The following TRAPPC6A variants were observed in gnomAD, a reference collection of about 807,000 sequenced individuals.
TRAPPC6A encodes the protein TRAPP complex subunit 6A.
In TRAPPC6A, 25 loss-of-function variants were observed where a neutral mutation model predicts 20.8. The ratio of observed to expected loss-of-function variants is 1.20; its 90% CI spans 0.88 to 1.68. The LOEUF (loss-of-function observed/expected upper bound fraction) is 1.68. TRAPPC6A is among the 40% of genes most tolerant of loss of function. TRAPPC6A has a pLI of 0.00. For missense variants in TRAPPC6A, 215 were observed against 211.6 expected, an observed-to-expected ratio of 1.02 and a Z score of -0.10; for synonymous variants, 96 against 93.3, an observed-to-expected ratio of 1.03 and a Z score of -0.16.
intron 1 of TRAPPC6A, among the ~76,000 whole-genome samples, chr19:45,168,414 C>T (rs1199968988): frequency 1.3e-5 from 2 of 152,212 alleles, no homozygotes; most frequent in Non-Finnish European, 2.9e-5. Context: ...GGGCCAAAAG[C>T]AGGAATGGAC....
At chr19:45,168,919 T>C (rs2122839225) in intron 1 of TRAPPC6A, among the ~76,000 whole-genome samples, 1 of 152,286 alleles carries the variant, frequency 6.6e-6, no homozygotes, top group East Asian at 1.9e-4. Context: ...AGGTCGCCCA[T>C]ATCTGAAGCC....
chr19:45,164,306 A>G, intron 3 of TRAPPC6A, 59 bp from the exon 4 acceptor site: 1 of 1,176,438 alleles, frequency 8.5e-7, no homozygotes, highest in Non-Finnish European at 1.2e-6. Flanking sequence ...AAGCGCAGGG[A>G]GGGTAAGCAG....
intron 1 of TRAPPC6A, among the ~76,000 whole-genome samples, chr19:45,170,691 G>C (rs1969250481): frequency 6.6e-6 from 1 of 152,242 alleles, no homozygotes; most frequent in East Asian, 1.9e-4. Context: ...TTCCCCACAT[G>C]TGCCATGGGG....
intron 1 of TRAPPC6A, among the ~76,000 whole-genome samples, chr19:45,167,811 C>G (rs1199100925): frequency 6.6e-6 from 1 of 151,836 alleles, no homozygotes; most frequent in East Asian, 2.0e-4. Flanking sequence ...CCAGCCTGGT[C>G]GACATGGCGA....
At chr19:45,168,343 G>A (rs1418914158) in intron 1 of TRAPPC6A, among the ~76,000 whole-genome samples, 1 of 152,218 alleles carries the variant, frequency 6.6e-6, no homozygotes, top group African/African-American at 2.4e-5. Context: ...CAAAAAACCA[G>A]TAAGACATTT....
intron 1 of TRAPPC6A, among the ~76,000 whole-genome samples, chr19:45,166,293 G>T (rs140084667): frequency 2.3e-3 from 349 of 151,638 alleles, no homozygotes; most frequent in Non-Finnish European, 3.9e-3. Context: ...TGCAACCTCC[G>T]CCTCCCGGGT....
chr19:45,175,810 G>C (rs978834014), intron 1 of TRAPPC6A, among the ~76,000 whole-genome samples: 33 of 152,120 alleles, frequency 2.2e-4, no homozygotes, highest in Non-Finnish European at 4.6e-4. Flanking sequence ...TGAAAGCCAG[G>C]AAGGATATGG....
At position 45,164,251 on chromosome 19, in the gene TRAPPC6A, G is replaced by GGC. The variant is rs1568462145; in HGVS notation, c.271-5_271-4insGC. The GGC allele has an allele frequency of 1.3e-6, 2 of 1,595,436 alleles. No individual in the cohort carries two copies. Among genetic ancestry groups the GGC allele is most frequent in the African/African-American group, 2.7e-5 (2 of 74,488 alleles). On this transcript the variant is annotated splice_polypyrimidine_tract_variant and splice_region_variant and intron_variant, in intron 3 of 5. Transcript: ENST00000585934. ...TGTCTTGCAGGACGTAGGTCCCCTG[G>GGC]GGGAGAGGAGAGGCTGGTGGGTGGG...
intron 1 of TRAPPC6A, among the ~76,000 whole-genome samples, chr19:45,168,902 T>G (rs1201469190): frequency 6.6e-6 from 1 of 152,170 alleles, no homozygotes; most frequent in Non-Finnish European, 1.5e-5. Context: ...CGGGGGGGCC[T>G]GAGCTGAGGT....
intron 1 of TRAPPC6A, among the ~76,000 whole-genome samples, chr19:45,167,432 C>T (rs1330193074): frequency 6.6e-6 from 1 of 152,218 alleles, no homozygotes; most frequent in Non-Finnish European, 1.5e-5. Context: ...TAAATGTGAG[C>T]TATACATACG....
At chr19:45,176,308 A>C (rs868401933) in intron 1 of TRAPPC6A, among the ~76,000 whole-genome samples, 5 of 148,340 alleles carry the variant, frequency 3.4e-5, no homozygotes, top group South Asian at 2.1e-4. Context: ...AAAAAAAAAA[A>C]ACAAAATTAG....
Position 45,178,233 on chromosome 19 carries a change from C to T in TRAPPC6A, c.-15G>A, listed in dbSNP as rs755067997. The T allele has an allele frequency of 6.3e-7, 1 of 1,580,128 alleles. No individual in the cohort carries two copies. The highest frequency in any genetic ancestry group is 8.6e-7 in the Non-Finnish European group (1 of 1,158,822). ...GTATCCGCCATGCCCCCTCCTCGCA[C>T]GCCTAAAGATGCGCCCAGCGCTTCC... On this transcript the variant is annotated 5_prime_UTR_variant, in exon 1 of 6. The change creates a new upstream start codon in the 5' untranslated region. Coordinates refer to ENST00000585934, the MANE Select transcript of TRAPPC6A (RefSeq NM_001270891.2).
chr19:45,171,820 A>G (rs1457656592), intron 1 of TRAPPC6A, among the ~76,000 whole-genome samples: 1 of 152,248 alleles, frequency 6.6e-6, no homozygotes, highest in African/African-American at 2.4e-5. Context: ...TCACACGTCC[A>G]GACTGAAGCC....
intron 1 of TRAPPC6A, among the ~76,000 whole-genome samples, chr19:45,170,310 T>C (rs1969242757): frequency 6.6e-6 from 1 of 152,168 alleles, no homozygotes; most frequent in Non-Finnish European, 1.5e-5. Context: ...AAAGGTGCAA[T>C]GGCCGGCTTC....
At chr19:45,165,846 C>T (rs1311396152) in intron 1 of TRAPPC6A, among the ~76,000 whole-genome samples, 1 of 151,738 alleles carries the variant, frequency 6.6e-6, no homozygotes, top group Non-Finnish European at 1.5e-5. Context: ...AGGAGGGCTG[C>T]ACTCGGTGTC....
rs746146904 is a variant in TRAPPC6A at position 45,178,101 on chromosome 19, C to T, written c.84+34G>A. On this transcript the variant is annotated intron_variant, in intron 1 of 5. Coordinates refer to ENST00000585934, the MANE Select transcript of TRAPPC6A (RefSeq NM_001270891.2). ...TCTCCCAGAGGCGTTACCTTGGTGG[C>T]CCCCGCTTCCTCCCCACGGAGCCCG... is the stretch of plus-strand genomic sequence containing the variant. 2.7e-5 allele frequency: 43 copies of T among 1,612,218 alleles called. 1 individual carries two copies. The highest frequency in any genetic ancestry group is 1.0e-4 in the Admixed American group (6 of 59,838).
chr19:45,165,068 C>T, intron 2 of TRAPPC6A, 59 bp downstream of exon 2: 3 of 1,611,176 alleles, frequency 1.9e-6, no homozygotes, highest in Non-Finnish European at 2.5e-6. Context: ...CCCTCCCCGC[C>T]CGGGGCCTGC....
At chr19:45,178,032 G>A in intron 1 of TRAPPC6A, 103 bp downstream of exon 1, 1 of 1,576,910 alleles carries the variant, frequency 6.3e-7, no homozygotes, top group Non-Finnish European at 8.6e-7. Context: ...TGCAAGGCCG[G>A]GGCTGGGCCG....
At chr19:45,176,860 C>T (rs1343945635) in intron 1 of TRAPPC6A, among the ~76,000 whole-genome samples, 3 of 144,180 alleles carry the variant, frequency 2.1e-5, no homozygotes, top group South Asian at 4.3e-4. Context: ...GGTGAAACCC[C>T]GTATCTACTA....
Sources: allele counts gnomAD v4.1 joint callset (sites outside exome capture counted in the v4.1 genomes callset), GRCh38; gene constraint gnomAD v4.1.1; transcripts MANE v1.5; gene names NCBI Gene and HGNC (gene_info 2026-07-23, HGNC 2026-07-21).